Variants in LARS2 observed in about 807,000 individuals in gnomAD.
The protein encoded by LARS2 is leucyl-tRNA synthetase 2, mitochondrial, also known as leucine--tRNA ligase, mitochondrial.
LARS2 carries 81 observed loss-of-function variants against 116.6 expected under a neutral mutation model. The observed-to-expected ratio is 0.69, with a 90% CI of 0.58 to 0.84. The LOEUF (loss-of-function observed/expected upper bound fraction) is 0.84. Ranked by LOEUF, LARS2 falls within the 40% of genes least tolerant of loss-of-function variation. The pLI, the probability that LARS2 is intolerant of heterozygous loss-of-function variation, is 0.00. For missense variants in LARS2, 968 were observed against 1,114.5 expected, an observed-to-expected ratio of 0.87 and a Z score of 1.87; for synonymous variants, 396 against 407.2, an observed-to-expected ratio of 0.97 and a Z score of 0.33.
At chr3:45,519,485 C>T (rs1360662426) in intron 18 of LARS2, among the ~76,000 whole-genome samples, 6 of 102,878 alleles carry the variant, frequency 5.8e-5, no homozygotes, top group Admixed American at 5.6e-4. Flanking sequence ...AGCGAGTCTC[C>T]GTCTCAAAAA....
chr3:45,499,111 G>A (rs1309477463), intron 14 of LARS2, among the ~76,000 whole-genome samples: 2 of 151,938 alleles, frequency 1.3e-5, no homozygotes, highest in East Asian at 3.9e-4. Context: ...TGGACTGAAC[G>A]TAGCAAGACC....
chr3:45,390,692 A>G (rs1401313415), intron 1 of LARS2, among the ~76,000 whole-genome samples: 7 of 135,964 alleles, frequency 5.1e-5, no homozygotes, highest in Non-Finnish European at 9.5e-5. Context: ...TCGCTCTGTC[A>G]CCCAGGCTGG....
At chr3:45,403,848 C>G (rs1698193638) in intron 4 of LARS2, among the ~76,000 whole-genome samples, 1 of 152,138 alleles carries the variant, frequency 6.6e-6, no homozygotes, top group South Asian at 2.1e-4. Context: ...CTACCACTTT[C>G]TAGCCAAGCG....
At chr3:45,438,856 GA>G (rs752720055) in intron 6 of LARS2, among the ~76,000 whole-genome samples, 55 of 151,606 alleles carry the variant, frequency 3.6e-4, no homozygotes, top group Non-Finnish European at 6.8e-4. Flanking sequence ...ACAAAACAAA[GA>G]AAAAACGATG....
chr3:45,460,723 C>A (rs920076328), intron 8 of LARS2, among the ~76,000 whole-genome samples: 2 of 152,104 alleles, frequency 1.3e-5, no homozygotes, highest in African/African-American at 4.8e-5. Context: ...AACAGAGACA[C>A]AGACATGAGG....
chr3:45,533,412 G>A (rs1700651277), intron 20 of LARS2, among the ~76,000 whole-genome samples: 2 of 152,076 alleles, frequency 1.3e-5, no homozygotes, highest in African/African-American at 4.8e-5. Context: ...CTACCAAATT[G>A]CTGGGATTAC....
At position 45,492,666 on chromosome 3, in the gene LARS2, G is replaced by A. The variant is rs891078410; in HGVS notation, c.1523+866G>A. On this transcript the variant is annotated intron_variant, in intron 13 of 21. Transcript: ENST00000645846. The stretch of plus-strand genomic sequence containing the variant: ...GGAAAGTCATTTACCTTCTCTGAGC[G>A]TGAAATCCCTCATCAGGAACAAAAA... 1.9e-4 allele frequency among the ~76,000 whole-genome samples: 29 copies of A among 152,134 alleles called. 1 individual carries two copies. Among genetic ancestry groups the A allele is most frequent in the South Asian group, 1.2e-3 (6 of 4,824 alleles).
intron 8 of LARS2, among the ~76,000 whole-genome samples, chr3:45,467,232 A>G (rs1327873099): frequency 6.6e-6 from 1 of 152,166 alleles, no homozygotes; most frequent in Non-Finnish European, 1.5e-5. Context: ...GACCGATCCA[A>G]TGGCTGCTGC....
chr3:45,414,989 C>T (rs907058998), intron 4 of LARS2, among the ~76,000 whole-genome samples: 3 of 152,196 alleles, frequency 2.0e-5, no homozygotes, highest in Admixed American at 6.5e-5. Flanking sequence ...GGGAGCCTGG[C>T]TTCCTGAGAC....
Position 45,549,172 on chromosome 3 carries a change from T to A in LARS2, c.*1642T>A, listed in dbSNP as rs113065626. The A allele has an allele frequency of 6.6e-6, 1 of 152,218 alleles. No homozygotes were observed. The highest frequency in any genetic ancestry group is 2.4e-5 in the African/African-American group (1 of 41,454). The allele number at this position is 152,218 out of a possible 1,614,324, so 9.4% of individuals were successfully genotyped here. A position where few individuals can be genotyped will look rare whatever the true frequency, so the allele number is the denominator to read the frequency against. On this transcript the variant is annotated 3_prime_UTR_variant, in exon 22 of 22. Coordinates refer to ENST00000645846, the MANE Select transcript of LARS2 (RefSeq NM_015340.4). ...TTTAAAACTCCACAAGTGATTCTAA[T>A]GGGCAGCAAAGTTTGAGAATCACTG...
intron 4 of LARS2, among the ~76,000 whole-genome samples, chr3:45,404,855 G>C (rs1698207382): frequency 6.6e-6 from 1 of 152,086 alleles, no homozygotes; most frequent in African/African-American, 2.4e-5. Flanking sequence ...TCAAAGTGCT[G>C]GGATTACAGG....
rs1332057745 is a variant in LARS2, at chr3:45,524,094, C to G, written c.2390C>G (p.Ser797Ter). Reference protein sequence around the residue: ...MAAPLAPHVTSEIWAGLALVP... With the variant: ...MAAPLAPHVT Reference sequence around the variant, plus strand: ...GCTCCACTGGCCCCTCATGTAACCTCAGAGATCTGGGCAGGTACGTGGCAG... The same window carrying G: ...GCTCCACTGGCCCCTCATGTAACCTGAGAGATCTGGGCAGGTACGTGGCAG... The change falls in exon 20 of 22, where the codon TCA becomes TGA. Residue 797 changes from serine to a stop codon, truncating the protein, a stop_gained. Coordinates refer to ENST00000645846, the MANE Select transcript of LARS2 (RefSeq NM_015340.4). LOFTEE classifies it high-confidence loss of function. 1.2e-6 allele frequency: 2 copies of G among 1,610,680 alleles called. No individual in the cohort carries two copies. Among genetic ancestry groups the G allele is most frequent in the Non-Finnish European group, 8.5e-7 (1 of 1,176,820 alleles).
intron 8 of LARS2, among the ~76,000 whole-genome samples, chr3:45,466,544 C>T (rs1327063176): frequency 6.6e-6 from 1 of 152,074 alleles, no homozygotes; most frequent in Non-Finnish European, 1.5e-5. Flanking sequence ...TTTTGAGCGG[C>T]CCACATCATG....
intron 7 of LARS2, among the ~76,000 whole-genome samples, chr3:45,452,370 C>T (rs11130063): frequency 0.55 from 79,751 of 144,624 alleles, 24,515 homozygotes; most frequent in East Asian, 0.71. Context: ...CTACTATACC[C>T]GATTTGTTGA....
rs1700804976 is a variant in LARS2 at position 45,541,934 on chromosome 3, AG to A, written c.2512del (p.Val838LeufsTer7). ...GACCCGGAGTTCCTGCAGCAGCCTG[AG>A]GTTGTCCAGATGGCAGTTCTGGTAA... ...AVDPEFLQQPEVVQMAVLINN... is the reference protein window; with the variant it reads ...AVDPEFLQQPXVVQMAVLINN... On this transcript the variant is annotated frameshift_variant, in exon 21 of 22. Coordinates refer to ENST00000645846, the MANE Select transcript of LARS2 (RefSeq NM_015340.4). LOFTEE classifies it high-confidence loss of function. The A allele has an allele frequency of 6.2e-7, 1 of 1,614,186 alleles. No individual in the cohort carries two copies. The highest frequency in any genetic ancestry group is 2.2e-5 in the East Asian group (1 of 44,886).
intron 20 of LARS2, among the ~76,000 whole-genome samples, chr3:45,534,057 G>A (rs1410769726): frequency 6.6e-6 from 1 of 152,162 alleles, no homozygotes; most frequent in Non-Finnish European, 1.5e-5. Flanking sequence ...TTGGAGCAGT[G>A]GACATTGTGT....
At chr3:45,470,189 T>G (rs1316138736) in intron 8 of LARS2, among the ~76,000 whole-genome samples, 1 of 152,224 alleles carries the variant, frequency 6.6e-6, no homozygotes, top group African/African-American at 2.4e-5. Context: ...ATGTCGTACC[T>G]TGTTCTTAAT....
At position 45,516,271 on chromosome 3, in the gene LARS2, T is replaced by A; in HGVS notation, c.2039T>A (p.Val680Glu). 2 of 1,612,684 alleles carry A rather than the reference T, an allele frequency of 1.2e-6. No individual in the cohort carries two copies. Among genetic ancestry groups the A allele is most frequent in the Non-Finnish European group, 1.7e-6 (2 of 1,179,200 alleles). The change falls in exon 17 of 22, where the codon GTG becomes GAG. Residue 680 changes from valine to glutamate, a missense_variant. Physicochemically the swap from Val to Glu is moderately radical, Grantham distance 121. Transcript: ENST00000645846. The stretch of plus-strand genomic sequence containing the variant: ...CCTGAGAAGGATATCTTGTGGGATG[T>A]GAAAAGTAAGTCACCTTCCTCTTCC... Reference protein sequence around the residue: ...APPEKDILWDVKTDALPGVLR... With the variant: ...APPEKDILWDEKTDALPGVLR...
intron 15 of LARS2, among the ~76,000 whole-genome samples, chr3:45,511,292 G>C (rs527929824): frequency 6.6e-6 from 1 of 152,338 alleles, no homozygotes; most frequent in East Asian, 1.9e-4. Context: ...CTGCCTGCCA[G>C]TTCTGGGGAA....
Sources: gnomAD v4.1 joint callset for allele counts (sites outside exome capture counted in the v4.1 genomes callset) on GRCh38, gnomAD v4.1.1 for gene constraint, MANE v1.5 for transcripts, NCBI Gene and HGNC (gene_info 2026-07-23, HGNC 2026-07-21) for gene names.